Variants in EZR observed in about 807,000 individuals in gnomAD.
EZR encodes the protein ezrin.
Under a neutral mutation model 74.8 loss-of-function variants are expected in EZR, and 40 were observed. That is an observed-to-expected ratio of 0.53 (90% CI 0.42 to 0.70). The LOEUF is 0.70. Ranked by LOEUF, EZR falls within the 30% of genes least tolerant of loss-of-function variation. The probability of loss-of-function intolerance (pLI) is 0.00; values close to 1 mark genes in which losing one functional copy is unlikely to be tolerated. For missense variants in EZR, 678 were observed against 755.8 expected (o/e 0.90, Z 1.21); for synonymous variants, 341 against 283.3 (o/e 1.20, Z -2.05).
At chr6:158,798,042 G>A (rs1777109574) in intron 2 of EZR, among the ~76,000 whole-genome samples, 1 of 152,206 alleles carries the variant, frequency 6.6e-6, no homozygotes, top group African/African-American at 2.4e-5. Context: ...CTAAGGAATG[G>A]CCTATTCTGG....
Position 158,781,349 on chromosome 6 carries a change from C to T in EZR, c.698+2171G>A, listed in dbSNP as rs151125469. Among the ~76,000 whole-genome samples, 433 of 152,268 alleles carry T rather than the reference C, an allele frequency of 2.8e-3. 2 individuals are homozygous for T. Among genetic ancestry groups the T allele is most frequent in the African/African-American group, 1.0e-2 (414 of 41,554 alleles). On this transcript the variant is annotated intron_variant, in intron 7 of 13. Transcript: ENST00000367075. ...GCAGAAAGTGAGCCTGCCCAACACC[C>T]CAGCATGCTCTGTGGGGAAAGAACC...
intron 2 of EZR, among the ~76,000 whole-genome samples, chr6:158,814,427 G>A (rs1263014641): frequency 6.6e-6 from 1 of 151,464 alleles, no homozygotes; most frequent in East Asian, 1.9e-4. Context: ...GCACTTAGCG[G>A]GTTTTCAATT....
chr6:158,805,712 A>C (rs959068488), intron 2 of EZR, among the ~76,000 whole-genome samples: 1 of 152,186 alleles, frequency 6.6e-6, no homozygotes. Context: ...AATTAAAAAA[A>C]CTCTTCAATT....
intron 4 of EZR, among the ~76,000 whole-genome samples, chr6:158,786,899 A>G (rs774226656): frequency 6.6e-5 from 10 of 152,272 alleles, no homozygotes; most frequent in Non-Finnish European, 1.3e-4. Flanking sequence ...CATATGCTCC[A>G]ATGAGTGAGC....
Position 158,785,354 on chromosome 6 carries a change from ACTT to A in EZR, c.419_421del (p.Glu140del). Reference sequence around the variant, plus strand: ...AGAGCTGAGGTACCCAGACTTGTGCACTTCTTTGTTGTAGTCCCCAAACTTGGC... The same window carrying A: ...AGAGCTGAGGTACCCAGACTTGTGCACTTTGTTGTAGTCCCCAAACTTGGC... On this transcript the variant is annotated inframe_deletion, in exon 5 of 14. Coordinates refer to ENST00000367075, the MANE Select transcript of EZR (RefSeq NM_001111077.2). 3 of 1,614,202 alleles carry A rather than the reference ACTT, an allele frequency of 1.9e-6. No individual in the cohort carries two copies. The highest frequency in any genetic ancestry group is 1.7e-6 in the Non-Finnish European group (2 of 1,180,036).
intron 5 of EZR, among the ~76,000 whole-genome samples, chr6:158,785,025 G>A (rs1791533510): frequency 6.6e-6 from 1 of 152,176 alleles, no homozygotes; most frequent in Non-Finnish European, 1.5e-5. Context: ...AGATTTCACA[G>A]GGGCAACCTA....
chr6:158,766,707 A>G lies in EZR; in HGVS notation c.*207T>C. On this transcript the variant is annotated 3_prime_UTR_variant, in exon 14 of 14. Transcript: ENST00000367075. ...TGATTCGAGAATAATCGCGAGAATC[A>G]GGCCTGCTTGGCACTATTACAACTG... is the stretch of plus-strand genomic sequence containing the variant. The G allele has an allele frequency of 1.7e-6, 1 of 600,288 alleles. No homozygotes were observed. The highest frequency in any genetic ancestry group is 3.0e-6 in the Non-Finnish European group (1 of 337,036). 37.2% of individuals were successfully genotyped at this position (600,288 alleles called of 1,614,324 possible). A position where few individuals can be genotyped will look rare whatever the true frequency, so the allele number is the denominator to read the frequency against.
intron 2 of EZR, among the ~76,000 whole-genome samples, chr6:158,815,415 G>A (rs1003799000): frequency 1.1e-4 from 17 of 152,210 alleles, no homozygotes; most frequent in African/African-American, 4.1e-4. Flanking sequence ...CAAAGAGGGG[G>A]CAGGGAGAAA....
At chr6:158,797,801 G>C (rs188488480) in intron 2 of EZR, among the ~76,000 whole-genome samples, 240 of 152,286 alleles carry the variant, frequency 1.6e-3, no homozygotes, top group African/African-American at 5.5e-3. Flanking sequence ...TTCATGTTGA[G>C]TCACTATGTA....
intron 9 of EZR, 68 bp downstream of exon 9, chr6:158,771,176 A>T (rs1408083440): frequency 6.8e-7 from 1 of 1,462,914 alleles, no homozygotes; most frequent in Non-Finnish European, 9.1e-7. Flanking sequence ...GTCACCTGAC[A>T]GGCACTGGCT....
Position 158,766,513 on chromosome 6 carries a change from T to G in EZR, c.*401A>C, listed in dbSNP as rs1174236946. On this transcript the variant is annotated 3_prime_UTR_variant, in exon 14 of 14. Transcript: ENST00000367075. The stretch of plus-strand genomic sequence containing the variant: ...CTTCATAGAAATTAAAAAATCAATT[T>G]GAGCTCATTTCGAATACAGAACAAG... The G allele has an allele frequency of 6.0e-6, 1 of 166,562 alleles. No individual in the cohort carries two copies. The highest frequency in any genetic ancestry group is 2.4e-5 in the African/African-American group (1 of 41,856). The allele number at this position is 166,562 out of a possible 1,614,324, so 10.3% of individuals were successfully genotyped here.
intron 10 of EZR, 145 bp from the exon 11 acceptor site, chr6:158,770,089 C>T: frequency 6.4e-6 from 7 of 1,085,566 alleles, no homozygotes; most frequent in Non-Finnish European, 9.1e-6. Context: ...TGGAGGAAAG[C>T]ACTTCACAGA....
At chr6:158,818,678 C>T (rs1777621253) in intron 1 of EZR, among the ~76,000 whole-genome samples, 1 of 148,728 alleles carries the variant, frequency 6.7e-6, no homozygotes, top group African/African-American at 2.5e-5. Context: ...AGAGGGGGCG[C>T]GGGCCCAGGG....
chr6:158,817,393 C>T lies in EZR; in HGVS notation c.12+689G>A, dbSNP rs74920356. Among the ~76,000 whole-genome samples the T allele has an allele frequency of 1.3e-3, 202 of 152,292 alleles. 1 individual carries two copies. Among genetic ancestry groups the T allele is most frequent in the Non-Finnish European group, 2.4e-3 (165 of 68,028 alleles). On this transcript the variant is annotated intron_variant, in intron 2 of 13. Coordinates refer to ENST00000367075, the MANE Select transcript of EZR (RefSeq NM_001111077.2). Reference sequence around the variant, plus strand: ...ACAATCAGATTCAAGGAGACAGAGGCGCAGGCACAGCCCTTTCATCAGCTG... The same window carrying T: ...ACAATCAGATTCAAGGAGACAGAGGTGCAGGCACAGCCCTTTCATCAGCTG...
intron 2 of EZR, among the ~76,000 whole-genome samples, chr6:158,816,593 A>AT (rs1245485371): frequency 6.6e-6 from 1 of 152,202 alleles, no homozygotes; most frequent in Non-Finnish European, 1.5e-5. Flanking sequence ...TCAAGCCTCG[A>AT]TGTCACGTGT....
Position 158,769,814 on chromosome 6 carries a change from C to G in EZR, c.1221G>C (p.Ala407=). The G allele has an allele frequency of 6.2e-7, 1 of 1,614,002 alleles. No individual in the cohort carries two copies. The highest frequency in any genetic ancestry group is 8.5e-7 in the Non-Finnish European group (1 of 1,180,040). ...GCTCCTGGCTCTTTATCTGATCCACCGCCTGTCTCTCCAGCTCCTCCTTAG... is the reference window on the plus strand; with the variant it reads ...GCTCCTGGCTCTTTATCTGATCCACGGCCTGTCTCTCCAGCTCCTCCTTAG... ...LRAKEELERQ[A]VDQIKSQEQL... Residue 407 remains alanine, a synonymous_variant, in exon 11 of 14, where the codon GCG becomes GCC. Coordinates refer to ENST00000367075, the MANE Select transcript of EZR (RefSeq NM_001111077.2).
At chr6:158,793,696 G>A (rs1000600713) in intron 2 of EZR, among the ~76,000 whole-genome samples, 8 of 152,098 alleles carry the variant, frequency 5.3e-5, no homozygotes, top group African/African-American at 1.7e-4. Flanking sequence ...CCAGTCACTG[G>A]AACATCTAAA....
At chr6:158,808,214 C>A (rs1024913768) in intron 2 of EZR, among the ~76,000 whole-genome samples, 7 of 152,166 alleles carry the variant, frequency 4.6e-5, no homozygotes, top group African/African-American at 1.7e-4. Context: ...AACATCTGAA[C>A]CCCCAGCCCA....
chr6:158,777,946 T>C (rs1583562367), intron 7 of EZR, among the ~76,000 whole-genome samples: 1 of 152,282 alleles, frequency 6.6e-6, no homozygotes, highest in Non-Finnish European at 1.5e-5. Context: ...CAAACAGACA[T>C]GCAATGAGTT....
Sources: gnomAD v4.1 joint callset for allele counts (sites outside exome capture counted in the v4.1 genomes callset) on GRCh38, gnomAD v4.1.1 for gene constraint, MANE v1.5 for transcripts, NCBI Gene and HGNC (gene_info 2026-07-23, HGNC 2026-07-21) for gene names.